NRG3: variants seen among roughly 807,000 people sequenced by gnomAD.
NRG3 encodes pro-neuregulin-3, membrane-bound isoform.
Under a neutral mutation model 66.9 loss-of-function variants are expected in NRG3, and 31 were observed. The observed-to-expected ratio is 0.46, with a 90% CI of 0.35 to 0.63. The LOEUF is 0.63. NRG3 is among the 20% of genes least tolerant of loss of function. The pLI is 0.00. For synonymous variants in NRG3, 393 were observed against 359.4 expected (o/e 1.09, Z -1.06); for missense variants, 910 against 878.9 (o/e 1.04, Z -0.45).
At chr10:82,639,077 G>C (rs2050389883) in intron 2 of NRG3, among the ~76,000 whole-genome samples, 1 of 152,160 alleles carries the variant, frequency 6.6e-6, no homozygotes, top group African/African-American at 2.4e-5. Context: ...CTACTACCCA[G>C]TGTCTCTTTA....
chr10:82,308,659 T>C (rs923545340), intron 1 of NRG3, among the ~76,000 whole-genome samples: 10 of 152,204 alleles, frequency 6.6e-5, no homozygotes, highest in Non-Finnish European at 1.2e-4. Context: ...TCCTGTTTTT[T>C]AGTTCAAGTA....
intron 1 of NRG3, among the ~76,000 whole-genome samples, chr10:81,974,305 C>T (rs7083434): frequency 0.46 from 69,788 of 151,772 alleles, 20,222 homozygotes; most frequent in African/African-American, 0.79. Flanking sequence ...GAAGAAACAA[C>T]CTTAAAAACA....
chr10:82,343,441 A>C (rs1013717567), intron 1 of NRG3, among the ~76,000 whole-genome samples: 4 of 152,200 alleles, frequency 2.6e-5, no homozygotes, highest in Admixed American at 1.3e-4. Flanking sequence ...GATTTGAAGA[A>C]TCAATATCAT....
intron 3 of NRG3, among the ~76,000 whole-genome samples, chr10:82,780,585 C>T (rs1454816518): frequency 6.7e-6 from 1 of 148,824 alleles, no homozygotes; most frequent in East Asian, 2.0e-4. Flanking sequence ...TGTTGAGAGA[C>T]TCTGGATCCT....
intron 2 of NRG3, among the ~76,000 whole-genome samples, chr10:82,592,338 A>G (rs1450921792): frequency 6.6e-6 from 1 of 152,154 alleles, no homozygotes; most frequent in East Asian, 1.9e-4. Flanking sequence ...AGAAGAGAAT[A>G]TGAATTGAGT....
intron 1 of NRG3, among the ~76,000 whole-genome samples, chr10:81,908,410 A>G (rs1019659461): frequency 7.9e-5 from 12 of 152,138 alleles, no homozygotes; most frequent in African/African-American, 2.9e-4. Context: ...CCTTTCATAT[A>G]TTGCATCCCA....
intron 1 of NRG3, among the ~76,000 whole-genome samples, chr10:82,167,488 G>C (rs574717899): frequency 1.3e-5 from 2 of 152,208 alleles, no homozygotes; most frequent in East Asian, 3.9e-4. Flanking sequence ...CCACCCTGTA[G>C]AGAATTTTAT....
At chr10:82,472,455 T>C (rs912826330) in intron 2 of NRG3, among the ~76,000 whole-genome samples, 2 of 152,234 alleles carry the variant, frequency 1.3e-5, no homozygotes, top group Admixed American at 6.5e-5. Context: ...TTTGTGCTGA[T>C]TTCCAATAGC....
chr10:82,138,275 T>G (rs2069511196), intron 1 of NRG3, among the ~76,000 whole-genome samples: 1 of 152,114 alleles, frequency 6.6e-6, no homozygotes, highest in Non-Finnish European at 1.5e-5. Flanking sequence ...GGGGGAAAAA[T>G]ATGTCTTTAG....
At chr10:81,960,309 G>C (rs995034585) in intron 1 of NRG3, among the ~76,000 whole-genome samples, 1 of 151,886 alleles carries the variant, frequency 6.6e-6, no homozygotes, top group African/African-American at 2.4e-5. Flanking sequence ...AATTCTCATG[G>C]CTATTTCTTT....
chr10:82,938,169 A>G (rs1025292736), intron 4 of NRG3, among the ~76,000 whole-genome samples: 11 of 152,184 alleles, frequency 7.2e-5, no homozygotes, highest in African/African-American at 2.4e-4. Context: ...CTGAAATTAT[A>G]CATGTGGCTT....
intron 2 of NRG3, among the ~76,000 whole-genome samples, chr10:82,464,380 G>A (rs996058594): frequency 4.6e-5 from 7 of 152,200 alleles, no homozygotes; most frequent in African/African-American, 1.7e-4. Context: ...GAGTGCATTT[G>A]CTGAAGCTAA....
intron 2 of NRG3, among the ~76,000 whole-genome samples, chr10:82,647,637 C>G (rs2133860691): frequency 6.6e-6 from 1 of 150,530 alleles, no homozygotes. Context: ...TAAAAGTGTT[C>G]CTATTTCTCC....
intron 1 of NRG3, among the ~76,000 whole-genome samples, chr10:82,321,842 C>T (rs1304266158): frequency 3.3e-5 from 5 of 152,096 alleles, no homozygotes; most frequent in Non-Finnish European, 7.4e-5. Flanking sequence ...TTAACATGGC[C>T]CTTCTTTTCT....
At chr10:82,892,998 CTT>C (rs1469020788) in intron 4 of NRG3, among the ~76,000 whole-genome samples, 6 of 151,906 alleles carry the variant, frequency 3.9e-5, no homozygotes, top group East Asian at 1.9e-4. Flanking sequence ...AAAAAACAAA[CTT>C]AAATATTTAT....
At chr10:81,994,194 A>G (rs1301903936) in intron 1 of NRG3, among the ~76,000 whole-genome samples, 1 of 152,146 alleles carries the variant, frequency 6.6e-6, no homozygotes, top group Non-Finnish European at 1.5e-5. Flanking sequence ...AGTATCTTCA[A>G]ATTGTCCAGA....
chr10:82,939,952 G>A (rs2132254294), intron 4 of NRG3, among the ~76,000 whole-genome samples: 1 of 151,698 alleles, frequency 6.6e-6, no homozygotes, highest in African/African-American at 2.4e-5. Flanking sequence ...AGAAGCTATT[G>A]AGTTCACCAG....
intron 2 of NRG3, among the ~76,000 whole-genome samples, chr10:82,418,375 A>C (rs371075807): frequency 3.5e-4 from 52 of 147,888 alleles, no homozygotes; most frequent in African/African-American, 1.3e-3. Context: ...GATGTAATAA[A>C]AAATTAACCA....
chr10:82,481,299 C>A (rs1842247006), intron 2 of NRG3, among the ~76,000 whole-genome samples: 1 of 152,184 alleles, frequency 6.6e-6, no homozygotes, highest in Admixed American at 6.5e-5. Flanking sequence ...CATGACATTT[C>A]TTCAGCCATT....
Sources: allele counts gnomAD v4.1 joint callset (sites outside exome capture counted in the v4.1 genomes callset), GRCh38; gene constraint gnomAD v4.1.1; transcripts MANE v1.5; gene names NCBI Gene and HGNC (gene_info 2026-07-23, HGNC 2026-07-21).